TTC29: variants seen among roughly 807,000 people sequenced by gnomAD.
TTC29 encodes the protein tetratricopeptide repeat protein 29.
TTC29 carries 49 observed loss-of-function variants against 58.1 expected under a neutral mutation model. The ratio of observed to expected loss-of-function variants is 0.84; its 90% confidence interval spans 0.67 to 1.07. TTC29 has a LOEUF of 1.07. Among genes scored for constraint, TTC29 ranks in the 50% least tolerant of loss-of-function variants. The pLI, the probability that TTC29 is intolerant of heterozygous loss-of-function variation, is 0.00. For synonymous variants in TTC29, 209 were observed against 196.8 expected (o/e 1.06, Z -0.52); for missense variants, 582 against 555.6 (o/e 1.05, Z -0.48).
chr4:146,722,115 C>G (rs1186457443), intron 11 of TTC29, among the ~76,000 whole-genome samples: 1 of 151,944 alleles, frequency 6.6e-6, no homozygotes, highest in Non-Finnish European at 1.5e-5. Context: ...AACCAAGGAG[C>G]TGAATGATCT....
intron 11 of TTC29, among the ~76,000 whole-genome samples, chr4:146,765,154 T>C (rs1479711445): frequency 6.6e-6 from 1 of 152,140 alleles, no homozygotes; most frequent in Non-Finnish European, 1.5e-5. Flanking sequence ...GTTGGTCTTT[T>C]ATAACTTAAA....
chr4:146,736,691 C>T (rs181721621), intron 11 of TTC29, among the ~76,000 whole-genome samples: 2 of 152,244 alleles, frequency 1.3e-5, no homozygotes, highest in African/African-American at 4.8e-5. Flanking sequence ...AGTAAAGCTA[C>T]CCTGATGACT....
intron 11 of TTC29, among the ~76,000 whole-genome samples, chr4:146,717,495 C>G: frequency 6.6e-6 from 1 of 152,116 alleles, no homozygotes; most frequent in Non-Finnish European, 1.5e-5. Context: ...CCAGGCTGGT[C>G]TTGAACTCCT....
intron 11 of TTC29, among the ~76,000 whole-genome samples, chr4:146,770,145 C>T (rs575292516): frequency 1.3e-5 from 2 of 152,028 alleles, no homozygotes; most frequent in South Asian, 4.2e-4. Flanking sequence ...GAATGACACT[C>T]AATTAATGCC....
Position 146,914,037 on chromosome 4 carries a change from C to T in TTC29, c.177-4788G>A, listed in dbSNP as rs536879276. 2.0e-5 allele frequency among the ~76,000 whole-genome samples: 3 copies of T among 152,210 alleles called. No homozygotes were observed. In the South Asian group the frequency reaches 6.2e-4, roughly 32 times the overall value. On this transcript the variant is annotated intron_variant, in intron 4 of 12. Transcript: ENST00000325106. ...GCACATACCTATGCATACAAATATG[C>T]TACTGTTTAAGCCTCATTGCTAATA...
chr4:146,816,391 G>A (rs927456037), intron 10 of TTC29, among the ~76,000 whole-genome samples: 1 of 152,138 alleles, frequency 6.6e-6, no homozygotes, highest in African/African-American at 2.4e-5. Context: ...AAATCAAGGA[G>A]AGAGGAGTCA....
chr4:146,786,329 C>T (rs1749014019), intron 11 of TTC29, among the ~76,000 whole-genome samples: 1 of 152,180 alleles, frequency 6.6e-6, no homozygotes. Flanking sequence ...ATAATTACGC[C>T]TGTGTTTGAA....
At chr4:146,754,749 T>A (rs1214984998) in intron 11 of TTC29, among the ~76,000 whole-genome samples, 1 of 152,048 alleles carries the variant, frequency 6.6e-6, no homozygotes, top group Admixed American at 6.6e-5. Context: ...GTCAACTGTT[T>A]GTGTATAGAA....
At position 146,769,454 on chromosome 4, in the gene TTC29, A is replaced by C. The variant is rs139679256; in HGVS notation, c.1330+34003T>G. On this transcript the variant is annotated intron_variant, in intron 11 of 12. Coordinates refer to ENST00000325106, the MANE Select transcript of TTC29 (RefSeq NM_031956.4). Reference sequence around the variant, plus strand: ...TACAAAAAATATGCTAGTGAAAGGTAGTATAAGGATCTACCATTGGTTAAT... The same window carrying C: ...TACAAAAAATATGCTAGTGAAAGGTCGTATAAGGATCTACCATTGGTTAAT... Among the ~76,000 whole-genome samples the C allele has an allele frequency of 7.0e-4, 107 of 152,166 alleles. No homozygotes were observed. The East Asian group carries it at 0.014, about 20-fold the overall frequency.
chr4:146,783,671 A>G (rs1328796594), intron 11 of TTC29, among the ~76,000 whole-genome samples: 2 of 152,258 alleles, frequency 1.3e-5, no homozygotes, highest in South Asian at 2.1e-4. Context: ...TTCTCAACTG[A>G]GAAAGGAGCT....
At chr4:146,768,623 A>G (rs1416324040) in intron 11 of TTC29, among the ~76,000 whole-genome samples, 1 of 151,930 alleles carries the variant, frequency 6.6e-6, no homozygotes, top group Non-Finnish European at 1.5e-5. Context: ...CTGTGATGGA[A>G]ATATTAGAGC....
At chr4:146,923,342 AAC>A (rs953184892) in intron 4 of TTC29, among the ~76,000 whole-genome samples, 1 of 151,648 alleles carries the variant, frequency 6.6e-6, no homozygotes, top group Admixed American at 6.6e-5. Flanking sequence ...CGTGCACACT[AAC>A]ACACAGAGAA....
intron 4 of TTC29, among the ~76,000 whole-genome samples, chr4:146,927,256 T>C (rs1735004707): frequency 6.6e-6 from 1 of 152,160 alleles, no homozygotes; most frequent in African/African-American, 2.4e-5. Flanking sequence ...CCTATTATCA[T>C]TATTTTTTTC....
At chr4:146,855,892 A>G (rs1477817320) in intron 8 of TTC29, among the ~76,000 whole-genome samples, 1 of 152,172 alleles carries the variant, frequency 6.6e-6, no homozygotes, top group African/African-American at 2.4e-5. Flanking sequence ...ATCTAATCCT[A>G]TAATCTTCTC....
chr4:146,907,789 C>T (rs532228549), intron 5 of TTC29, among the ~76,000 whole-genome samples: 19 of 152,264 alleles, frequency 1.2e-4, no homozygotes, highest in Admixed American at 3.3e-4. Flanking sequence ...CATGAGCCAC[C>T]GCGCCCAGCC....
chr4:146,749,305 T>G (rs928636060), intron 11 of TTC29, among the ~76,000 whole-genome samples: 1 of 152,018 alleles, frequency 6.6e-6, no homozygotes, highest in Non-Finnish European at 1.5e-5. Context: ...AGTAAGACCC[T>G]GTCTCAAAAC....
At chr4:146,710,013 C>T (rs1445837680) in intron 11 of TTC29, among the ~76,000 whole-genome samples, 1 of 152,112 alleles carries the variant, frequency 6.6e-6, no homozygotes, top group East Asian at 1.9e-4. Context: ...CTCTTCCTCT[C>T]TATTAGATCT....
intron 4 of TTC29, among the ~76,000 whole-genome samples, chr4:146,928,267 C>T (rs998827371): frequency 5.3e-5 from 8 of 152,140 alleles, no homozygotes; most frequent in Non-Finnish European, 1.5e-5. Flanking sequence ...GTCAGCTCTT[C>T]TACTTATTAT....
intron 7 of TTC29, 89 bp downstream of exon 7, chr4:146,874,627 C>T: frequency 9.4e-7 from 1 of 1,059,606 alleles, no homozygotes; most frequent in Non-Finnish European, 1.4e-6. Flanking sequence ...AATAATCACC[C>T]TAACACTTGA....
Sources: gnomAD v4.1 joint callset for allele counts (sites outside exome capture counted in the v4.1 genomes callset) on GRCh38, gnomAD v4.1.1 for gene constraint, MANE v1.5 for transcripts, NCBI Gene and HGNC (gene_info 2026-07-23, HGNC 2026-07-21) for gene names.